CDC73: variants seen among roughly 807,000 people sequenced by gnomAD.
CDC73 encodes the protein cell division cycle 73.
A neutral mutation model predicts 83.7 loss-of-function variants in CDC73; 21 were observed. The observed-to-expected ratio is 0.25, with a 90% CI of 0.18 to 0.36. CDC73 has a LOEUF of 0.36. Among genes scored for constraint, CDC73 ranks in the 10% least tolerant of loss-of-function variants. The pLI, the probability that CDC73 is intolerant of heterozygous loss-of-function variation, is 1.00. For missense variants in CDC73, 342 were observed against 653.3 expected (o/e 0.52, Z 5.19); for synonymous variants, 224 against 212.9 (o/e 1.05, Z -0.45).
rs148872488 is a variant in CDC73 at position 193,250,266 on chromosome 1, T to C, written c.1559+395T>C. Among the ~76,000 whole-genome samples, 1,450 of 151,964 alleles carry C rather than the reference T, an allele frequency of 9.5e-3. 24 individuals are homozygous for C. The highest frequency in any genetic ancestry group is 0.034 in the African/African-American group (1,399 of 41,546). On this transcript the variant is annotated intron_variant, in intron 16 of 16. Coordinates refer to ENST00000367435, the MANE Select transcript of CDC73 (RefSeq NM_024529.5). ...GTTACGGATGGTTCACAAAAGGAAATGGTTTTTTAAAATTTATTTTAATTA... is the reference window on the plus strand; with the variant it reads ...GTTACGGATGGTTCACAAAAGGAAACGGTTTTTTAAAATTTATTTTAATTA...
At chr1:193,233,902 A>C (rs1677703652) in intron 14 of CDC73, among the ~76,000 whole-genome samples, 1 of 152,092 alleles carries the variant, frequency 6.6e-6, no homozygotes, top group South Asian at 2.1e-4. Context: ...TTATTTCTTT[A>C]ACCGGGAGTA....
intron 15 of CDC73, among the ~76,000 whole-genome samples, chr1:193,238,861 AG>A (rs1553291718): frequency 1.8e-4 from 28 of 152,318 alleles, no homozygotes; most frequent in Admixed American, 2.6e-4. Context: ...CACATTGAGT[AG>A]GTTGAGGAGG....
intron 10 of CDC73, among the ~76,000 whole-genome samples, chr1:193,163,797 A>C (rs1676385228): frequency 6.6e-6 from 1 of 151,948 alleles, no homozygotes; most frequent in African/African-American, 2.4e-5. Context: ...TTGTTTTTTG[A>C]GATGGAGTCT....
intron 13 of CDC73, among the ~76,000 whole-genome samples, chr1:193,217,352 G>T (rs1677386192): frequency 6.6e-6 from 1 of 152,050 alleles, no homozygotes; most frequent in African/African-American, 2.4e-5. Flanking sequence ...CTGCTCTATC[G>T]CAGAGTTTCT....
chr1:193,200,614 A>G (rs1558308603), intron 10 of CDC73, among the ~76,000 whole-genome samples: 1 of 152,074 alleles, frequency 6.6e-6, no homozygotes, highest in African/African-American at 2.4e-5. Flanking sequence ...ACTTAGCACA[A>G]CTTGTCAGCT....
At chr1:193,196,515 G>GT (rs753071198) in intron 10 of CDC73, among the ~76,000 whole-genome samples, 1 of 152,162 alleles carries the variant, frequency 6.6e-6, no homozygotes, top group Non-Finnish European at 1.5e-5. Flanking sequence ...CTGCAAAAAT[G>GT]TTGAGTTTTG....
At position 193,142,059 on chromosome 1, in the gene CDC73, C is replaced by T. The variant is rs1301555104; in HGVS notation, c.722C>T (p.Thr241Ile). The change falls in exon 7 of 17, where the codon ACA becomes ATA. Residue 241 changes from threonine (T) to isoleucine (I), a missense_variant. By Grantham distance (89) the Thr-to-Ile change is moderately conservative (BLOSUM62 -1). Around this residue, in one of 3 missense-constraint regions of CDC73, gnomAD observed 239 missense variants for 420.6 expected, o/e 0.57. Coordinates refer to ENST00000367435, the MANE Select transcript of CDC73 (RefSeq NM_024529.5). ...WRTRTTILQSTGKNFSKNIFA... is the reference protein window; with the variant it reads ...WRTRTTILQSIGKNFSKNIFA... ...ACACGAACAACTATCTTACAAAGCA[C>T]AGGAAAGGTAATTAAAATATTTTAC... 6.2e-7 allele frequency: 1 copy of T among 1,610,688 alleles called. No individual in the cohort carries two copies. Among genetic ancestry groups the T allele is most frequent in the Non-Finnish European group, 8.5e-7 (1 of 1,177,234 alleles).
intron 10 of CDC73, among the ~76,000 whole-genome samples, chr1:193,190,568 C>T (rs1676902188): frequency 6.6e-6 from 1 of 152,128 alleles, no homozygotes; most frequent in Non-Finnish European, 1.5e-5. Context: ...TGTTTGCCTG[C>T]CTTATTTTTC....
chr1:193,238,887 TTGC>T (rs1677810746), intron 15 of CDC73, among the ~76,000 whole-genome samples: 1 of 152,184 alleles, frequency 6.6e-6, no homozygotes, highest in East Asian at 1.9e-4. Flanking sequence ...AGGGTTAGTC[TTGC>T]TGTCCCAGGT....
chr1:193,211,566 C>T lies in CDC73; in HGVS notation c.1031-499C>T, dbSNP rs1339647699. ...CCTTATCACTCTTACACTTTGAGGC[C>T]ATTCGCAAGTAAAACAAGGGCTACT... is the stretch of plus-strand genomic sequence containing the variant. On this transcript the variant is annotated intron_variant, in intron 11 of 16. Transcript: ENST00000367435. 2.6e-5 allele frequency among the ~76,000 whole-genome samples: 4 copies of T among 152,096 alleles called. No individual in the cohort carries two copies. The East Asian group carries it at 7.7e-4, about 29-fold the overall frequency.
At chr1:193,137,223 A>G (rs1204973849) in intron 5 of CDC73, among the ~76,000 whole-genome samples, 2 of 152,206 alleles carry the variant, frequency 1.3e-5, no homozygotes, top group African/African-American at 4.8e-5. Flanking sequence ...AAAAAGTTGG[A>G]TGCATTTGCC....
At chr1:193,171,268 T>A (rs1320931771) in intron 10 of CDC73, among the ~76,000 whole-genome samples, 1 of 152,198 alleles carries the variant, frequency 6.6e-6, no homozygotes, top group Non-Finnish European at 1.5e-5. Context: ...CAGTAATAAA[T>A]TACTAGAAGT....
At chr1:193,207,045 C>T (rs1677199578) in intron 11 of CDC73, among the ~76,000 whole-genome samples, 1 of 151,960 alleles carries the variant, frequency 6.6e-6, no homozygotes, top group Admixed American at 6.6e-5. Flanking sequence ...TTTTATTTTC[C>T]CTAAGTGTCA....
intron 12 of CDC73, 62 bp downstream of exon 12, chr1:193,212,162 C>G: frequency 7.5e-7 from 1 of 1,340,036 alleles, no homozygotes; most frequent in Non-Finnish European, 1.0e-6. Context: ...AAAACCAGGC[C>G]TGATAATTTT....
chr1:193,182,145 C>G (rs1676727492), intron 10 of CDC73, among the ~76,000 whole-genome samples: 1 of 152,076 alleles, frequency 6.6e-6, no homozygotes, highest in Non-Finnish European at 1.5e-5. Context: ...AGTTGTGGGA[C>G]AGACGGTGCA....
In CDC73 at chr1:193,249,321, G is replaced by A. The variant is rs373865426; in HGVS notation, c.1418-409G>A. Among the ~76,000 whole-genome samples the A allele has an allele frequency of 2.1e-3, 322 of 152,102 alleles. 2 individuals are homozygous for A. Among genetic ancestry groups the A allele is most frequent in the African/African-American group, 7.6e-3 (315 of 41,542 alleles). On this transcript the variant is annotated intron_variant, in intron 15 of 16. Coordinates refer to ENST00000367435, the MANE Select transcript of CDC73 (RefSeq NM_024529.5). ...TTTTAGACATAATGCTATTGCACAC[G>A]TAATATAGACTGTGATACAGTGTTA...
chr1:193,225,065 A>G (rs1449394491), intron 13 of CDC73, among the ~76,000 whole-genome samples: 1 of 150,538 alleles, frequency 6.6e-6, no homozygotes, highest in African/African-American at 2.4e-5. Flanking sequence ...CCCCAAAGTC[A>G]ATTTCGTCAT....
intron 8 of CDC73, 96 bp from the exon 9 acceptor site, chr1:193,150,208 C>T: frequency 1.2e-6 from 1 of 866,676 alleles, no homozygotes; most frequent in Non-Finnish European, 1.9e-6. Context: ...GAGGTCTTGG[C>T]TGCAGTGAGC....
intron 14 of CDC73, 148 bp downstream of exon 14, chr1:193,233,302 C>T: frequency 1.4e-6 from 1 of 730,304 alleles, no homozygotes. Context: ...CTCTGTCAGT[C>T]CTCCTGCCTC....
Sources: gnomAD v4.1 joint callset for allele counts (sites outside exome capture counted in the v4.1 genomes callset) on GRCh38, gnomAD v4.1.1 for gene constraint, gnomAD v4.1.1 regional missense constraint, MANE v1.5 for transcripts, NCBI Gene and HGNC (gene_info 2026-07-23, HGNC 2026-07-21) for gene names.